SHC4: variants seen among roughly 807,000 people sequenced by gnomAD.
SHC4 encodes the protein SHC-transforming protein 4.
A neutral mutation model predicts 69.4 loss-of-function variants in SHC4; 41 were observed. That is an observed-to-expected ratio of 0.59 (90% CI 0.46 to 0.77). The LOEUF is 0.77. Ranked by LOEUF, SHC4 falls within the 30% of genes least tolerant of loss-of-function variation. The pLI is 0.00. For synonymous variants in SHC4, 318 were observed against 299.3 expected, an observed-to-expected ratio of 1.06 and a Z score of -0.64; for missense variants, 777 against 783.8, an observed-to-expected ratio of 0.99 and a Z score of 0.10.
At chr15:48,921,482 G>A (rs772084578) in intron 2 of SHC4, among the ~76,000 whole-genome samples, 9 of 152,112 alleles carry the variant, frequency 5.9e-5, no homozygotes, top group South Asian at 2.1e-4. Flanking sequence ...TTACAGGTGT[G>A]TGCCACAATG....
chr15:48,891,418 A>G (rs1269251239), intron 2 of SHC4, among the ~76,000 whole-genome samples: 1 of 152,114 alleles, frequency 6.6e-6, no homozygotes, highest in African/African-American at 2.4e-5. Flanking sequence ...TGCCCTTCCT[A>G]TATATTGCAC....
intron 2 of SHC4, among the ~76,000 whole-genome samples, chr15:48,898,461 T>G (rs1251248039): frequency 6.6e-6 from 1 of 152,234 alleles, no homozygotes; most frequent in African/African-American, 2.4e-5. Flanking sequence ...CTTTGAGTAC[T>G]GCCCACAGCA....
At chr15:48,928,491 C>T (rs1335286606) in intron 1 of SHC4, among the ~76,000 whole-genome samples, 1 of 152,012 alleles carries the variant, frequency 6.6e-6, no homozygotes, top group Non-Finnish European at 1.5e-5. Context: ...CAAGGACACC[C>T]AAGGCTGATC....
chr15:48,872,447 A>T (rs1288524556), intron 4 of SHC4, among the ~76,000 whole-genome samples: 2 of 152,230 alleles, frequency 1.3e-5, no homozygotes, highest in Non-Finnish European at 2.9e-5. Context: ...ACTGAAATGA[A>T]TAATAGGAGA....
chr15:48,916,131 AATT>A (rs2141019538), intron 2 of SHC4, among the ~76,000 whole-genome samples: 1 of 152,254 alleles, frequency 6.6e-6, no homozygotes, highest in African/African-American at 2.4e-5. Context: ...AACATATCTT[AATT>A]TAGCTACCTA....
intron 2 of SHC4, among the ~76,000 whole-genome samples, chr15:48,923,571 A>C (rs1180942346): frequency 2.7e-5 from 4 of 150,894 alleles, no homozygotes; most frequent in Non-Finnish European, 5.9e-5. Flanking sequence ...CAAAAAAGAA[A>C]AAAGAAAAAG....
chr15:48,827,756 C>T (rs1898716433), intron 11 of SHC4, among the ~76,000 whole-genome samples: 1 of 152,106 alleles, frequency 6.6e-6, no homozygotes, highest in Non-Finnish European at 1.5e-5. Flanking sequence ...AGGTTACGCA[C>T]AGAGAGTTTC....
chr15:48,843,708 T>C, intron 9 of SHC4, 120 bp from the exon 10 acceptor site: 1 of 869,412 alleles, frequency 1.2e-6, no homozygotes, highest in Non-Finnish European at 1.7e-6. Flanking sequence ...ATACAATGAT[T>C]GAACACTTAA....
intron 2 of SHC4, among the ~76,000 whole-genome samples, chr15:48,915,272 T>C (rs1900597920): frequency 6.6e-6 from 1 of 152,228 alleles, no homozygotes; most frequent in African/African-American, 2.4e-5. Flanking sequence ...AAAGGTACAA[T>C]TGGCTTTCAT....
chr15:48,884,226 T>C, intron 4 of SHC4, 22 bp downstream of exon 4: 2 of 1,582,118 alleles, frequency 1.3e-6, no homozygotes, highest in Non-Finnish European at 1.7e-6. Context: ...TGTTTATCTA[T>C]AAATGACATT....
At chr15:48,943,237 T>C (rs557688522) in intron 1 of SHC4, among the ~76,000 whole-genome samples, 1 of 152,186 alleles carries the variant, frequency 6.6e-6, no homozygotes, top group African/African-American at 2.4e-5. Context: ...TTTGGACCCC[T>C]TGACCTATAC....
At chr15:48,959,983 C>T (rs1487424608) in intron 1 of SHC4, among the ~76,000 whole-genome samples, 6 of 152,284 alleles carry the variant, frequency 3.9e-5, no homozygotes, top group African/African-American at 7.2e-5. Flanking sequence ...CTGAGTCTTC[C>T]GTCTTTCAAA....
chr15:48,899,684 G>A (rs1260689015), intron 2 of SHC4, among the ~76,000 whole-genome samples: 4 of 151,828 alleles, frequency 2.6e-5, no homozygotes, highest in Admixed American at 6.6e-5. Flanking sequence ...TGCACCTCTG[G>A]AAGGAACGAA....
At chr15:48,866,594 C>T (rs866192026) in intron 6 of SHC4, among the ~76,000 whole-genome samples, 3 of 152,300 alleles carry the variant, frequency 2.0e-5, no homozygotes, top group South Asian at 4.2e-4. Flanking sequence ...CAGTACTCTC[C>T]ACCCATCTGC....
chr15:48,886,490 G>A (rs1185712700), intron 3 of SHC4, among the ~76,000 whole-genome samples: 1 of 152,082 alleles, frequency 6.6e-6, no homozygotes, highest in Non-Finnish European at 1.5e-5. Flanking sequence ...GAAGAAAAAG[G>A]AGCGGAAAGC....
intron 2 of SHC4, among the ~76,000 whole-genome samples, chr15:48,913,074 C>T (rs1049270075): frequency 6.6e-6 from 1 of 152,034 alleles, no homozygotes; most frequent in Admixed American, 6.6e-5. Flanking sequence ...TGGTTGGCCT[C>T]CTGCCAGGAG....
chr15:48,830,723 T>C (rs1453000931), intron 11 of SHC4, among the ~76,000 whole-genome samples: 1 of 152,196 alleles, frequency 6.6e-6, no homozygotes, highest in African/African-American at 2.4e-5. Flanking sequence ...AGGTTTTCAT[T>C]AATAGAAAAG....
At chr15:48,902,744 A>G (rs757489115) in intron 2 of SHC4, among the ~76,000 whole-genome samples, 4 of 152,124 alleles carry the variant, frequency 2.6e-5, no homozygotes, top group Non-Finnish European at 4.4e-5. Context: ...GTGCCATCCT[A>G]GCTCCAGAAC....
At chr15:48,896,423 C>A (rs145025267) in intron 2 of SHC4, among the ~76,000 whole-genome samples, 2 of 151,706 alleles carry the variant, frequency 1.3e-5, no homozygotes, top group African/African-American at 4.8e-5. Flanking sequence ...AGGGTTCAAG[C>A]GATTCTCCTG....
Sources: gnomAD v4.1 joint callset for allele counts (sites outside exome capture counted in the v4.1 genomes callset) on GRCh38, gnomAD v4.1.1 for gene constraint, MANE v1.5 for transcripts, NCBI Gene and HGNC (gene_info 2026-07-23, HGNC 2026-07-21) for gene names.